The following NLGN1 variants were observed in gnomAD, a reference collection of about 807,000 sequenced individuals.
The protein encoded by NLGN1 is neuroligin-1.
NLGN1 carries 12 observed loss-of-function variants against 65.5 expected under a neutral mutation model. The ratio of observed to expected loss-of-function variants is 0.18; its 90% CI spans 0.12 to 0.30. NLGN1 has a LOEUF of 0.30. Ranked by LOEUF, NLGN1 falls within the 10% of genes least tolerant of loss-of-function variation. NLGN1 has a pLI of 1.00. For synonymous variants in NLGN1, 350 were observed against 359.5 expected, an observed-to-expected ratio of 0.97 and a Z score of 0.30; for missense variants, 750 against 1,007.1, an observed-to-expected ratio of 0.74 and a Z score of 3.46.
intron 3 of NLGN1, among the ~76,000 whole-genome samples, chr3:173,668,562 G>A (rs1255159081): frequency 6.6e-6 from 1 of 151,450 alleles, no homozygotes; most frequent in African/African-American, 2.4e-5. Context: ...CTTCAGTGTT[G>A]TGGCCATGGA....
intron 4 of NLGN1, among the ~76,000 whole-genome samples, chr3:173,822,221 T>C (rs1026892485): frequency 6.6e-6 from 1 of 152,152 alleles, no homozygotes; most frequent in Non-Finnish European, 1.5e-5. Context: ...TTATTTACGA[T>C]CCGTACTTCC....
intron 2 of NLGN1, among the ~76,000 whole-genome samples, chr3:173,511,419 A>G (rs1732950916): frequency 6.6e-6 from 1 of 151,880 alleles, no homozygotes; most frequent in Non-Finnish European, 1.5e-5. Flanking sequence ...ACATTAGGGT[A>G]CATTCTAAGT....
chr3:174,064,263 A>G (rs927253757), intron 4 of NLGN1, among the ~76,000 whole-genome samples: 1 of 152,144 alleles, frequency 6.6e-6, no homozygotes, highest in Non-Finnish European at 1.5e-5. Context: ...AACACCTAAT[A>G]TAGTGATGGA....
chr3:173,541,522 G>T (rs1185407555), intron 2 of NLGN1, among the ~76,000 whole-genome samples: 2 of 152,116 alleles, frequency 1.3e-5, no homozygotes, highest in Non-Finnish European at 2.9e-5. Flanking sequence ...CAAAATGAAG[G>T]TTTAGCTATG....
At chr3:174,028,458 C>T (rs1180149278) in intron 4 of NLGN1, among the ~76,000 whole-genome samples, 1 of 152,176 alleles carries the variant, frequency 6.6e-6, no homozygotes, top group Non-Finnish European at 1.5e-5. Flanking sequence ...AGACTGGTGG[C>T]ATTTTGCCCC....
intron 3 of NLGN1, among the ~76,000 whole-genome samples, chr3:173,674,798 G>C (rs1762902082): frequency 6.6e-6 from 1 of 152,008 alleles, no homozygotes; most frequent in Non-Finnish European, 1.5e-5. Flanking sequence ...AGCTTAGAGA[G>C]TCCCAGTTGG....
the NLGN1 span, among the ~76,000 whole-genome samples, chr3:174,293,959 A>G: frequency 6.6e-6 from 1 of 151,712 alleles, no homozygotes; most frequent in African/African-American, 2.4e-5. Flanking sequence ...ATCTTTGGAT[A>G]TATATTTGTG....
chr3:173,528,036 T>C (rs183459138), intron 2 of NLGN1, among the ~76,000 whole-genome samples: 11 of 152,360 alleles, frequency 7.2e-5, no homozygotes, highest in Admixed American at 7.2e-4. Flanking sequence ...GTGTAATTGC[T>C]TTATAGGGTC....
At chr3:173,708,006 T>A (rs1284538332) in intron 3 of NLGN1, among the ~76,000 whole-genome samples, 1 of 152,224 alleles carries the variant, frequency 6.6e-6, no homozygotes, top group Non-Finnish European at 1.5e-5. Flanking sequence ...CAAAGCACAA[T>A]TTTAATTAAC....
chr3:174,225,904 C>T (rs558829413), intron 4 of NLGN1, among the ~76,000 whole-genome samples: 1 of 151,976 alleles, frequency 6.6e-6, no homozygotes, highest in South Asian at 2.1e-4. Flanking sequence ...GTTTATTAAA[C>T]AAGTCAAGGA....
intron 3 of NLGN1, among the ~76,000 whole-genome samples, chr3:173,633,242 G>A (rs998788820): frequency 1.3e-5 from 2 of 152,102 alleles, no homozygotes; most frequent in African/African-American, 2.4e-5. Flanking sequence ...CCCATAACAA[G>A]TTTGAAACCT....
chr3:174,247,056 T>TA (rs1490981036), intron 4 of NLGN1, among the ~76,000 whole-genome samples: 5 of 152,228 alleles, frequency 3.3e-5, no homozygotes, highest in African/African-American at 1.2e-4. Context: ...CTCCAAATCT[T>TA]AAGGTTGATA....
chr3:173,709,751 C>A (rs1343921396), intron 3 of NLGN1, among the ~76,000 whole-genome samples: 1 of 134,852 alleles, frequency 7.4e-6, no homozygotes, highest in African/African-American at 2.9e-5. Context: ...TGCAGTGAGC[C>A]GAGATTGTAC....
chr3:173,775,793 T>G (rs75771427), intron 3 of NLGN1, among the ~76,000 whole-genome samples: 7 of 152,142 alleles, frequency 4.6e-5, no homozygotes, highest in Non-Finnish European at 8.8e-5. Flanking sequence ...AGTGACACTT[T>G]GTTAACTTAG....
At position 173,591,536 on chromosome 3, in the gene NLGN1, C is replaced by G. The variant is rs1337600368; in HGVS notation, c.-320-12743C>G. ...CAGTATTTGCCAATTCCAGCAAAAG[C>G]CTGGGACTGAATGGACACAAAGGTT... On this transcript the variant is annotated intron_variant, in intron 2 of 6. Coordinates refer to ENST00000457714, the Ensembl canonical transcript of NLGN1. 2.6e-5 allele frequency among the ~76,000 whole-genome samples: 4 copies of G among 152,250 alleles called. No individual in the cohort carries two copies. The South Asian group carries it at 6.2e-4, about 24-fold the overall frequency.
chr3:173,746,516 C>T (rs958860283), intron 3 of NLGN1, among the ~76,000 whole-genome samples: 2 of 150,664 alleles, frequency 1.3e-5, no homozygotes, highest in Non-Finnish European at 2.9e-5. Context: ...TCAGGACTTC[C>T]TTGCTGTTTC....
chr3:173,725,364 A>T (rs996689870), intron 3 of NLGN1, among the ~76,000 whole-genome samples: 3 of 152,158 alleles, frequency 2.0e-5, no homozygotes, highest in African/African-American at 2.4e-5. Context: ...AGATTAAAAA[A>T]CACTAAACCA....
At chr3:173,975,739 C>A (rs1717287235) in intron 4 of NLGN1, among the ~76,000 whole-genome samples, 1 of 151,918 alleles carries the variant, frequency 6.6e-6, no homozygotes, top group South Asian at 2.1e-4. Flanking sequence ...ACCCTATCAA[C>A]TCCCTCCCAC....
intron 4 of NLGN1, chr3:173,920,704 C>T (rs571007440): frequency 6.6e-6 from 1 of 152,194 alleles, no homozygotes; most frequent in South Asian, 2.1e-4. Context: ...ATTGGAGCCA[C>T]CTGCTGAAGG....
Sources: allele counts gnomAD v4.1 joint callset (sites outside exome capture counted in the v4.1 genomes callset), GRCh38; gene constraint gnomAD v4.1.1; transcripts MANE v1.5; gene names NCBI Gene and HGNC (gene_info 2026-07-23, HGNC 2026-07-21).